Variants in MGAT4C observed in about 807,000 individuals in gnomAD.
The protein encoded by MGAT4C is alpha-1,3-mannosyl-glycoprotein 4-beta-N-acetylglucosaminyltransferase C.
Under a neutral mutation model 40.1 loss-of-function variants are expected in MGAT4C, and 19 were observed. The ratio of observed to expected loss-of-function variants is 0.47; its 90% CI spans 0.33 to 0.70. MGAT4C has a LOEUF of 0.70. MGAT4C is among the 30% of genes least tolerant of loss of function. MGAT4C has a pLI of 0.02. For missense variants in MGAT4C, 491 were observed against 563.2 expected (o/e 0.87, Z 1.30); for synonymous variants, 181 against 187.1 (o/e 0.97, Z 0.27).
intron 1 of MGAT4C, among the ~76,000 whole-genome samples, chr12:86,790,787 A>G (rs2136192607): frequency 6.6e-6 from 1 of 152,290 alleles, no homozygotes; most frequent in South Asian, 2.1e-4. Flanking sequence ...GTCAATGTTA[A>G]TGTTCAAATT....
intron 1 of MGAT4C, among the ~76,000 whole-genome samples, chr12:86,197,380 A>C (rs1370938156): frequency 2.6e-5 from 4 of 152,170 alleles, no homozygotes; most frequent in African/African-American, 9.7e-5. Context: ...TATACACATA[A>C]ACACACACAA....
intron 4 of MGAT4C, among the ~76,000 whole-genome samples, chr12:86,323,673 C>T (rs1017132949): frequency 1.3e-5 from 2 of 151,580 alleles, no homozygotes; most frequent in African/African-American, 2.4e-5. Flanking sequence ...TATAAATAGA[C>T]GAAATACACA....
At chr12:86,573,460 A>G (rs2136424627) in intron 2 of MGAT4C, among the ~76,000 whole-genome samples, 1 of 152,190 alleles carries the variant, frequency 6.6e-6, no homozygotes, top group South Asian at 2.1e-4. Flanking sequence ...TTTTCATTTT[A>G]TAAACTCCCA....
At chr12:86,050,698 T>C (rs1348955206) in intron 1 of MGAT4C, among the ~76,000 whole-genome samples, 1 of 152,042 alleles carries the variant, frequency 6.6e-6, no homozygotes, top group East Asian at 1.9e-4. Flanking sequence ...CGTGGTCAGC[T>C]TCTGTGGTCA....
intron 4 of MGAT4C, among the ~76,000 whole-genome samples, chr12:86,326,828 A>T (rs1318180008): frequency 2.0e-5 from 3 of 152,144 alleles, no homozygotes; most frequent in African/African-American, 4.8e-5. Flanking sequence ...TATTTTAACT[A>T]AAAAAAGTCA....
intron 2 of MGAT4C, among the ~76,000 whole-genome samples, chr12:86,019,003 A>G (rs1409489940): frequency 6.6e-6 from 1 of 152,058 alleles, no homozygotes; most frequent in Non-Finnish European, 1.5e-5. Flanking sequence ...CTTTTACAGT[A>G]TCATTCTCTT....
intron 3 of MGAT4C, among the ~76,000 whole-genome samples, chr12:86,378,028 T>C (rs931396821): frequency 2.6e-5 from 4 of 152,198 alleles, no homozygotes; most frequent in South Asian, 2.1e-4. Flanking sequence ...TGTGGTATTA[T>C]GTGTCAGAAT....
intron 2 of MGAT4C, among the ~76,000 whole-genome samples, chr12:86,645,642 G>A (rs1025504140): frequency 1.3e-5 from 2 of 151,696 alleles, no homozygotes; most frequent in African/African-American, 2.4e-5. Flanking sequence ...TTATGTGGAA[G>A]CATTTCTCTC....
At chr12:86,528,947 T>A (rs149365290) in intron 2 of MGAT4C, among the ~76,000 whole-genome samples, 1 of 151,970 alleles carries the variant, frequency 6.6e-6, no homozygotes, top group African/African-American at 2.4e-5. Flanking sequence ...ATCCTGCACA[T>A]GTACCCCTGA....
chr12:86,767,196 C>G (rs995155272), intron 1 of MGAT4C, among the ~76,000 whole-genome samples: 3 of 152,086 alleles, frequency 2.0e-5, no homozygotes, highest in African/African-American at 7.2e-5. Context: ...ACCACTGATC[C>G]CACAGAAATA....
At chr12:86,178,093 T>G (rs537316957) in intron 1 of MGAT4C, among the ~76,000 whole-genome samples, 2 of 152,022 alleles carry the variant, frequency 1.3e-5, no homozygotes, top group South Asian at 2.1e-4. Context: ...CCCACCACCA[T>G]GCCCGGCTAA....
intron 1 of MGAT4C, among the ~76,000 whole-genome samples, chr12:86,836,667 T>C (rs116779728): frequency 0.011 from 1,710 of 152,140 alleles, 28 homozygotes; most frequent in African/African-American, 0.038. Context: ...AGGTCAGATA[T>C]ATAAAATTTT....
intron 1 of MGAT4C, among the ~76,000 whole-genome samples, chr12:86,799,129 T>C (rs1480094576): frequency 6.6e-6 from 1 of 151,874 alleles, no homozygotes; most frequent in Non-Finnish European, 1.5e-5. Flanking sequence ...AAATTTAACC[T>C]AATTATTTGA....
chr12:86,083,418 A>T (rs1023233612), intron 1 of MGAT4C, among the ~76,000 whole-genome samples: 2 of 152,050 alleles, frequency 1.3e-5, no homozygotes, highest in African/African-American at 4.8e-5. Context: ...CTTCAGGATA[A>T]GATTCAGTTT....
In MGAT4C at chr12:85,960,047, T is replaced by G. The variant is rs1883028800; in HGVS notation, c.*19242A>C. On this transcript the variant is annotated 3_prime_UTR_variant, in exon 5 of 5. Coordinates refer to ENST00000611864, the MANE Select transcript of MGAT4C (RefSeq NM_001351288.2). The stretch of plus-strand genomic sequence containing the variant: ...AATGCAATTCGGTATTAAAGAAAAT[T>G]GTTGCACGGACTACATTGATTAGAG... 2 of 151,916 alleles carry G rather than the reference T, an allele frequency of 1.3e-5. No homozygotes were observed. Among genetic ancestry groups the G allele is most frequent in the Non-Finnish European group, 1.5e-5 (1 of 67,922 alleles). 9.4% of individuals were successfully genotyped at this position (151,916 alleles called of 1,614,324 possible).
chr12:86,448,265 A>C (rs1957372175), intron 2 of MGAT4C, among the ~76,000 whole-genome samples: 1 of 152,106 alleles, frequency 6.6e-6, no homozygotes, highest in Non-Finnish European at 1.5e-5. Context: ...CCTTCTCAGC[A>C]CTTGCCTGTT....
intron 4 of MGAT4C, among the ~76,000 whole-genome samples, chr12:86,306,569 T>G (rs1953938998): frequency 6.6e-6 from 1 of 150,420 alleles, no homozygotes; most frequent in East Asian, 1.9e-4. Flanking sequence ...TATGAAGGTA[T>G]GAAGGTTTTT....
intron 2 of MGAT4C, among the ~76,000 whole-genome samples, chr12:86,661,040 T>A (rs902226887): frequency 6.6e-6 from 1 of 152,126 alleles, no homozygotes; most frequent in Non-Finnish European, 1.5e-5. Context: ...TTAAATGAGT[T>A]AGTACACCCT....
At chr12:86,766,925 G>C (rs1349855472) in intron 1 of MGAT4C, among the ~76,000 whole-genome samples, 18 of 151,952 alleles carry the variant, frequency 1.2e-4, no homozygotes, top group South Asian at 2.1e-4. Flanking sequence ...AGGAAAGATA[G>C]AAAATTGACA....
Sources: gnomAD v4.1 joint callset for allele counts (sites outside exome capture counted in the v4.1 genomes callset) on GRCh38, gnomAD v4.1.1 for gene constraint, MANE v1.5 for transcripts, NCBI Gene and HGNC (gene_info 2026-07-23, HGNC 2026-07-21) for gene names.